The following WDR70 variants were observed in gnomAD, a reference collection of about 807,000 sequenced individuals.
WDR70 encodes the protein WD repeat-containing protein 70.
Under a neutral mutation model 88.6 loss-of-function variants are expected in WDR70, and 53 were observed. The ratio of observed to expected loss-of-function variants is 0.60; its 90% CI spans 0.48 to 0.75. The LOEUF is 0.75. Among genes scored for constraint, WDR70 ranks in the 30% least tolerant of loss-of-function variants. The pLI is 0.00. For missense variants in WDR70, 610 were observed against 823.2 expected (o/e 0.74, Z 3.17); for synonymous variants, 280 against 270.0 (o/e 1.04, Z -0.36).
chr5:37,626,019 T>G (rs1460701877), intron 10 of WDR70, among the ~76,000 whole-genome samples: 2 of 151,648 alleles, frequency 1.3e-5, no homozygotes, highest in East Asian at 3.8e-4. Flanking sequence ...TTTTTTTTTT[T>G]GTAGTAAAGT....
At chr5:37,692,034 A>T (rs1746811906) in intron 10 of WDR70, among the ~76,000 whole-genome samples, 1 of 152,228 alleles carries the variant, frequency 6.6e-6, no homozygotes, top group Non-Finnish European at 1.5e-5. Flanking sequence ...ATCACCACCG[A>T]TCCCACAGAA....
chr5:37,445,633 A>G (rs1008520509), intron 7 of WDR70, among the ~76,000 whole-genome samples: 14 of 152,208 alleles, frequency 9.2e-5, no homozygotes, highest in Non-Finnish European at 1.9e-4. Context: ...AGCTGGCTCA[A>G]CATACGCAAA....
chr5:37,711,588 G>C (rs1021155103), intron 13 of WDR70, among the ~76,000 whole-genome samples: 2 of 152,120 alleles, frequency 1.3e-5, no homozygotes, highest in Admixed American at 1.3e-4. Context: ...CTTTGTCTGA[G>C]GGAACCAAAC....
At chr5:37,653,808 C>A (rs1380254411) in intron 10 of WDR70, among the ~76,000 whole-genome samples, 1 of 151,990 alleles carries the variant, frequency 6.6e-6, no homozygotes, top group African/African-American at 2.4e-5. Context: ...TTTTTTATTG[C>A]ATCTATTTGA....
intron 9 of WDR70, among the ~76,000 whole-genome samples, chr5:37,600,662 G>A (rs774115013): frequency 2.0e-5 from 3 of 152,118 alleles, no homozygotes; most frequent in Non-Finnish European, 2.9e-5. Context: ...AAAGATGCTT[G>A]CCATCCTTAG....
At chr5:37,599,591 T>A (rs968150899) in intron 9 of WDR70, among the ~76,000 whole-genome samples, 2 of 152,172 alleles carry the variant, frequency 1.3e-5, no homozygotes, top group Non-Finnish European at 2.9e-5. Flanking sequence ...GTTATCCATA[T>A]GTAAAAAGGT....
At chr5:37,522,979 C>T (rs528572249) in intron 9 of WDR70, among the ~76,000 whole-genome samples, 98 of 152,324 alleles carry the variant, frequency 6.4e-4, no homozygotes, top group Non-Finnish European at 1.2e-3. Flanking sequence ...ACAAAGCAGC[C>T]GAGAAGCTTA....
chr5:37,441,549 G>A (rs904564662), intron 6 of WDR70, among the ~76,000 whole-genome samples: 4 of 152,198 alleles, frequency 2.6e-5, no homozygotes, highest in Non-Finnish European at 5.9e-5. Context: ...GCCAGGTGCC[G>A]TGGCTCACAC....
At chr5:37,687,312 A>G (rs1169922070) in intron 10 of WDR70, among the ~76,000 whole-genome samples, 1 of 152,200 alleles carries the variant, frequency 6.6e-6, no homozygotes, top group Non-Finnish European at 1.5e-5. Flanking sequence ...CTTCATCTCA[A>G]TCAACTAAAG....
chr5:37,436,038 T>C (rs1750456415), intron 5 of WDR70, among the ~76,000 whole-genome samples: 1 of 152,078 alleles, frequency 6.6e-6, no homozygotes, highest in African/African-American at 2.4e-5. Context: ...GTGACTGAGA[T>C]AAGGAAATGC....
intron 9 of WDR70, among the ~76,000 whole-genome samples, chr5:37,565,892 C>T (rs1332500341): frequency 1.3e-5 from 2 of 152,016 alleles, no homozygotes; most frequent in Non-Finnish European, 2.9e-5. Context: ...GGAATCAGTA[C>T]TTACTTGCTT....
chr5:37,574,660 T>C (rs900828718), intron 9 of WDR70, among the ~76,000 whole-genome samples: 1 of 152,206 alleles, frequency 6.6e-6, no homozygotes, highest in Non-Finnish European at 1.5e-5. Flanking sequence ...GGTTAACTAC[T>C]CTTTGGATGT....
intron 10 of WDR70, among the ~76,000 whole-genome samples, chr5:37,673,506 A>G (rs1266259371): frequency 6.6e-6 from 1 of 150,998 alleles, no homozygotes; most frequent in East Asian, 2.0e-4. Context: ...GAACTAATTT[A>G]CACTCCCACC....
At chr5:37,712,517 G>C (rs1267380528) in intron 13 of WDR70, among the ~76,000 whole-genome samples, 1 of 151,880 alleles carries the variant, frequency 6.6e-6, no homozygotes, top group Non-Finnish European at 1.5e-5. Flanking sequence ...TATGTTTCCT[G>C]GATCTATTTT....
intron 10 of WDR70, among the ~76,000 whole-genome samples, chr5:37,673,784 C>T (rs1371650690): frequency 6.6e-6 from 1 of 151,932 alleles, no homozygotes; most frequent in Non-Finnish European, 1.5e-5. Flanking sequence ...CCCCTAACAA[C>T]AGGCCCCAGT....
intron 10 of WDR70, among the ~76,000 whole-genome samples, chr5:37,630,371 G>C (rs566036907): frequency 6.6e-6 from 1 of 152,334 alleles, no homozygotes; most frequent in South Asian, 2.1e-4. Flanking sequence ...GTGGCCTACA[G>C]CATTGTTTCT....
chr5:37,418,745 A>T (rs1749841233), intron 5 of WDR70, among the ~76,000 whole-genome samples: 1 of 151,986 alleles, frequency 6.6e-6, no homozygotes, highest in East Asian at 1.9e-4. Context: ...ATTTACTATC[A>T]TCAGTAATTT....
At chr5:37,490,812 G>C (rs1740043887) in intron 8 of WDR70, among the ~76,000 whole-genome samples, 1 of 152,116 alleles carries the variant, frequency 6.6e-6, no homozygotes, top group South Asian at 2.1e-4. Context: ...TCAGTGTACT[G>C]GATGCTGTGT....
At chr5:37,462,553 C>T (rs1225638774) in intron 7 of WDR70, among the ~76,000 whole-genome samples, 7 of 152,178 alleles carry the variant, frequency 4.6e-5, no homozygotes, top group South Asian at 2.1e-4. Flanking sequence ...CCGCCCGCCT[C>T]GGCCTCCCAA....
Sources: allele counts gnomAD v4.1 joint callset (sites outside exome capture counted in the v4.1 genomes callset), GRCh38; gene constraint gnomAD v4.1.1; transcripts MANE v1.5; gene names NCBI Gene and HGNC (gene_info 2026-07-23, HGNC 2026-07-21).